RALB: variants seen among roughly 807,000 people sequenced by gnomAD.
RALB encodes RAS like proto-oncogene B, also known as ras-related protein Ral-B.
Under a neutral mutation model 21.3 loss-of-function variants are expected in RALB, and 16 were observed. The ratio of observed to expected loss-of-function variants is 0.75; its 90% confidence interval spans 0.51 to 1.14. The LOEUF is 1.14. Ranked by LOEUF, RALB falls within the 50% of genes most tolerant of loss-of-function variation. RALB has a pLI of 0.00. For synonymous variants in RALB, 93 were observed against 96.1 expected, an observed-to-expected ratio of 0.97 and a Z score of 0.19; for missense variants, 161 against 256.2, an observed-to-expected ratio of 0.63 and a Z score of 2.54.
In RALB at chr2:120,294,189, C is replaced by T. The variant is rs1435859031; in HGVS notation, c.*929C>T. The T allele has an allele frequency of 5.0e-6, 2 of 398,522 alleles. No individual in the cohort carries two copies. Among genetic ancestry groups the T allele is most frequent in the African/African-American group, 4.1e-5 (2 of 48,632 alleles). The allele number at this position is 398,522 out of a possible 1,614,324, so 24.7% of individuals were successfully genotyped here. ...TGAGCCTCTTGCTAAGTGTCACACA[C>T]ACTCTTCCCAAAGACGTGATGAGTT... On this transcript the variant is annotated 3_prime_UTR_variant, in exon 5 of 5. Transcript: ENST00000272519.
At chr2:120,280,639 G>A (rs1028050019) in intron 2 of RALB, among the ~76,000 whole-genome samples, 1 of 151,634 alleles carries the variant, frequency 6.6e-6, no homozygotes, top group Non-Finnish European at 1.5e-5. Flanking sequence ...GATAGGTGCA[G>A]CAAACCACCA....
Position 120,294,126 on chromosome 2 carries a change from T to C in RALB, c.*866T>C, listed in dbSNP as rs1328683853. 2.5e-6 allele frequency: 1 copy of C among 398,502 alleles called. No homozygotes were observed. The highest frequency in any genetic ancestry group is 4.4e-5 in the Admixed American group (1 of 22,720). The allele number at this position is 398,502 out of a possible 1,614,324, so 24.7% of individuals were successfully genotyped here. Reference sequence around the variant, plus strand: ...CCTCTCCACTAGTGGTGAATGCATGTGTCTGTCTGATCAGCATCACTGCAC... The same window carrying C: ...CCTCTCCACTAGTGGTGAATGCATGCGTCTGTCTGATCAGCATCACTGCAC... On this transcript the variant is annotated 3_prime_UTR_variant, in exon 5 of 5. Transcript: ENST00000272519.
At chr2:120,252,753 C>T (rs1178358908), upstream of RALB, 31 of 982,912 alleles carry the variant, frequency 3.2e-5, no homozygotes, top group Non-Finnish European at 3.7e-5. Flanking sequence ...AGCCCCCCGA[C>T]GGGCGTGGCT....
intron 1 of RALB, among the ~76,000 whole-genome samples, chr2:120,242,771 TAAAAC>T (rs1421223988): frequency 6.6e-6 from 1 of 151,794 alleles, no homozygotes; most frequent in Non-Finnish European, 1.5e-5. Context: ...ATTTTAAAAT[TAAAAC>T]AAAACAAAAA....
At position 120,277,690 on chromosome 2, in the gene RALB, AGT is replaced by A. The variant is rs879497706; in HGVS notation, c.-47-923_-47-922del. ...GCGTTGTGAACGTGTTATGAGTGAA[AGT>A]GTGTATGTGGGTGTGTGTGATAGTG... is the stretch of plus-strand genomic sequence containing the variant. On this transcript the variant is annotated intron_variant, in intron 1 of 4. Coordinates refer to ENST00000272519, the MANE Select transcript of RALB (RefSeq NM_002881.3). Among the ~76,000 whole-genome samples the A allele has an allele frequency of 8.1e-5, 12 of 148,584 alleles. No homozygotes were observed. The East Asian group carries it at 1.6e-3, about 20-fold the overall frequency.
intron 3 of RALB, among the ~76,000 whole-genome samples, chr2:120,288,820 C>T (rs1037699571): frequency 2.0e-5 from 3 of 151,968 alleles, no homozygotes; most frequent in Admixed American, 6.6e-5. Context: ...AAAAATGGTA[C>T]GTATTGGAAT....
chr2:120,293,946 T>A lies in RALB; in HGVS notation c.*686T>A. ...GTTGGTTATTTTTCTCCTGTAAGCA[T>A]CCTGATTTTTCTGTAGGAACTTTTC... On this transcript the variant is annotated 3_prime_UTR_variant, in exon 5 of 5. Transcript: ENST00000272519. 2.5e-6 allele frequency: 1 copy of A among 394,122 alleles called. No individual in the cohort carries two copies. Among genetic ancestry groups the A allele is most frequent in the Admixed American group, 4.4e-5 (1 of 22,630 alleles). 24.4% of individuals were successfully genotyped at this position (394,122 alleles called of 1,614,324 possible).
intron 1 of RALB, among the ~76,000 whole-genome samples, chr2:120,263,524 T>A (rs906396736): frequency 1.3e-5 from 2 of 152,208 alleles, no homozygotes; most frequent in Non-Finnish European, 2.9e-5. Flanking sequence ...TTCCTTCGTT[T>A]AATCTTCATA....
chr2:120,260,803 G>T (rs1457891152), intron 1 of RALB, among the ~76,000 whole-genome samples: 1 of 152,244 alleles, frequency 6.6e-6, no homozygotes, highest in Non-Finnish European at 1.5e-5. Context: ...GAGGAGGAGG[G>T]CATGGGAAGG....
chr2:120,285,744 T>G, intron 2 of RALB, 130 bp from the exon 3 acceptor site: 1 of 696,702 alleles, frequency 1.4e-6, no homozygotes, highest in Non-Finnish European at 2.4e-6. Flanking sequence ...AGAACAGAAG[T>G]GTTACGTAAA....
At chr2:120,287,752 G>C (rs1690202482) in intron 3 of RALB, among the ~76,000 whole-genome samples, 2 of 152,348 alleles carry the variant, frequency 1.3e-5, no homozygotes, top group African/African-American at 4.8e-5. Context: ...AAGGGTTTTG[G>C]TTGTTAGGTG....
chr2:120,270,308 G>GA (rs1228554749), intron 1 of RALB, among the ~76,000 whole-genome samples: 1 of 151,964 alleles, frequency 6.6e-6, no homozygotes, highest in Admixed American at 6.5e-5. Flanking sequence ...ACGCTTGTTT[G>GA]AAAAAAATAA....
intron 1 of RALB, among the ~76,000 whole-genome samples, chr2:120,244,360 CGCTCA>C (rs143357162): frequency 0.057 from 8,744 of 152,210 alleles, 841 homozygotes; most frequent in African/African-American, 0.2. Context: ...TTGGAGCTGC[CGCTCA>C]GCTCAGTGGG....
At chr2:120,245,241 C>G (rs1012180899) in intron 1 of RALB, among the ~76,000 whole-genome samples, 1 of 152,192 alleles carries the variant, frequency 6.6e-6, no homozygotes, top group Non-Finnish European at 1.5e-5. Context: ...TGGACTGGGA[C>G]AGGGAGCACG....
chr2:120,292,346 C>T (rs1417201514), intron 4 of RALB, among the ~76,000 whole-genome samples: 4 of 152,144 alleles, frequency 2.6e-5, no homozygotes, highest in African/African-American at 4.8e-5. Flanking sequence ...TGATGCTTTA[C>T]GCCCTCCTTC....
In RALB at chr2:120,244,013, G is replaced by T. The variant is rs558894783; in HGVS notation, c.19+3888G>T. ...AGGCTGTACAGGAACTATGGCTGGG[G>T]AGGCCTTGGGAAACTTACAATCATG... On this transcript the variant is annotated intron_variant, in intron 1 of 3. Coordinates refer to the RALB transcript ENST00000447591. Among the ~76,000 whole-genome samples the T allele has an allele frequency of 2.6e-5, 4 of 152,320 alleles. No homozygotes were observed. In the East Asian group the frequency reaches 7.7e-4, roughly 29 times the overall value.
chr2:120,250,284 G>C (rs1460458461), upstream of RALB, among the ~76,000 whole-genome samples: 2 of 152,216 alleles, frequency 1.3e-5, no homozygotes, highest in Non-Finnish European at 2.9e-5. Flanking sequence ...TCCATCACAG[G>C]TTGGTAGGGG....
intron 1 of RALB, among the ~76,000 whole-genome samples, chr2:120,261,794 A>T (rs1426515942): frequency 1.3e-5 from 2 of 152,224 alleles, no homozygotes; most frequent in South Asian, 2.1e-4. Flanking sequence ...ATGCAGAGAG[A>T]GAGTGCTGGA....
upstream of RALB, among the ~76,000 whole-genome samples, chr2:120,252,259 G>A (rs913695855): frequency 1.3e-5 from 2 of 152,102 alleles, no homozygotes; most frequent in East Asian, 3.9e-4. Context: ...TGGCTGGGGT[G>A]GGATTCTGGC....
Sources: allele counts gnomAD v4.1 joint callset (sites outside exome capture counted in the v4.1 genomes callset), GRCh38; gene constraint gnomAD v4.1.1; transcripts MANE v1.5; gene names NCBI Gene and HGNC (gene_info 2026-07-23, HGNC 2026-07-21).